NPAS2: variants seen among roughly 807,000 people sequenced by gnomAD.
NPAS2 encodes the protein neuronal PAS domain protein 2.
In NPAS2, 23 loss-of-function variants were observed where a neutral mutation model predicts 107.5. The ratio of observed to expected loss-of-function variants is 0.21; its 90% CI spans 0.15 to 0.30. The LOEUF is 0.30. Ranked by LOEUF, NPAS2 falls within the 10% of genes least tolerant of loss-of-function variation. The pLI is 1.00. For missense variants in NPAS2, 756 were observed against 1,043.3 expected (o/e 0.72, Z 3.79); for synonymous variants, 403 against 417.5 (o/e 0.97, Z 0.42).
At chr2:100,946,587 G>C (rs1251925321) in intron 5 of NPAS2, among the ~76,000 whole-genome samples, 2 of 152,212 alleles carry the variant, frequency 1.3e-5, no homozygotes, top group Non-Finnish European at 2.9e-5. Flanking sequence ...GAAGAGCTGT[G>C]AAATTGTGTT....
At chr2:100,833,315 C>CAAGATTGATACTCAGGATGAG (rs1676861313) in intron 1 of NPAS2, among the ~76,000 whole-genome samples, 1 of 152,154 alleles carries the variant, frequency 6.6e-6, no homozygotes, top group Non-Finnish European at 1.5e-5. Context: ...GGATGAGAAT[C>CAAGATTGATACTCAGGATGAG]AAGAGGAGAG....
At chr2:100,868,910 C>A (rs982009588) in intron 1 of NPAS2, among the ~76,000 whole-genome samples, 2 of 151,942 alleles carry the variant, frequency 1.3e-5, no homozygotes, top group Non-Finnish European at 2.9e-5. Context: ...ATGTTTATAT[C>A]TTTAAACATA....
chr2:100,897,112 A>T (rs1410868248), intron 1 of NPAS2, among the ~76,000 whole-genome samples: 1 of 152,162 alleles, frequency 6.6e-6, no homozygotes, highest in African/African-American at 2.4e-5. Flanking sequence ...TAAAACCATC[A>T]GATCTCATGA....
At chr2:100,954,586 G>A (rs1675439866) in intron 7 of NPAS2, among the ~76,000 whole-genome samples, 1 of 148,386 alleles carries the variant, frequency 6.7e-6, no homozygotes, top group Non-Finnish European at 1.5e-5. Flanking sequence ...AATTGCTTGA[G>A]TCTGGGAGGC....
At chr2:100,985,647 T>G (rs1409759015) in intron 16 of NPAS2, 1 of 152,244 alleles carries the variant, frequency 6.6e-6, no homozygotes, top group African/African-American at 2.4e-5. Context: ...AAAAGCTCCT[T>G]TTTTCATTTT....
chr2:100,996,569 A>T lies in NPAS2; in HGVS notation c.*987A>T, dbSNP rs565165919. 6 of 152,762 alleles carry T rather than the reference A, an allele frequency of 3.9e-5. No homozygotes were observed. The East Asian group carries it at 9.6e-4, about 25-fold the overall frequency. The allele number at this position is 152,762 out of a possible 1,614,324, so 9.5% of individuals were successfully genotyped here. A position where few individuals can be genotyped will look rare whatever the true frequency, so the allele number is the denominator to read the frequency against. On this transcript the variant is annotated 3_prime_UTR_variant, in exon 21 of 21. Coordinates refer to ENST00000335681, the MANE Select transcript of NPAS2 (RefSeq NM_002518.4). ...AATTGGATTTTCCTTTTCAAAATGCACTTTGCTTTTTTTGTATGTTTTGTT... is the reference window on the plus strand; with the variant it reads ...AATTGGATTTTCCTTTTCAAAATGCTCTTTGCTTTTTTTGTATGTTTTGTT...
intron 1 of NPAS2, among the ~76,000 whole-genome samples, chr2:100,845,434 A>G (rs1218235100): frequency 6.6e-6 from 1 of 152,182 alleles, no homozygotes; most frequent in African/African-American, 2.4e-5. Flanking sequence ...CCATTTGTAC[A>G]TTCAGTCTCT....
intron 1 of NPAS2, among the ~76,000 whole-genome samples, chr2:100,842,081 GCACACACACACA>G (rs59267718): frequency 2.0e-5 from 3 of 148,798 alleles, no homozygotes; most frequent in South Asian, 2.1e-4. Flanking sequence ...GCATGTACGC[GCACACACACACA>G]CACACACACA....
chr2:100,881,713 C>T (rs952917011), intron 1 of NPAS2, among the ~76,000 whole-genome samples: 8 of 152,072 alleles, frequency 5.3e-5, no homozygotes, highest in African/African-American at 1.9e-4. Context: ...TGCTGTCGAT[C>T]TTTATTTACA....
chr2:100,931,669 G>A (rs1208377848), intron 3 of NPAS2, among the ~76,000 whole-genome samples: 1 of 151,944 alleles, frequency 6.6e-6, no homozygotes, highest in Non-Finnish European at 1.5e-5. Context: ...TGTATTTTTA[G>A]TAGAGACGGG....
At chr2:100,950,683 G>T (rs1675168340) in intron 7 of NPAS2, among the ~76,000 whole-genome samples, 1 of 152,236 alleles carries the variant, frequency 6.6e-6, no homozygotes, top group East Asian at 1.9e-4. Context: ...GGTCCAGGGT[G>T]CAGGGCTTAT....
At chr2:100,993,554 C>CGT in intron 20 of NPAS2, 27 bp downstream of exon 20, 1 of 1,485,762 alleles carries the variant, frequency 6.7e-7, no homozygotes, top group Non-Finnish European at 9.0e-7. Flanking sequence ...AGGGGGCCCC[C>CGT]GTGCAGGCCT....
chr2:100,880,025 G>A (rs894099665), intron 1 of NPAS2, among the ~76,000 whole-genome samples: 4 of 152,042 alleles, frequency 2.6e-5, no homozygotes, highest in African/African-American at 7.2e-5. Flanking sequence ...GGGGACCTCT[G>A]GGGGGGACAA....
chr2:100,979,376 T>A (rs567825658), intron 15 of NPAS2, among the ~76,000 whole-genome samples: 3 of 151,700 alleles, frequency 2.0e-5, no homozygotes, highest in Non-Finnish European at 4.4e-5. Context: ...ATGAAGAATG[T>A]CTGTGTTTAC....
At position 100,929,125 on chromosome 2, in the gene NPAS2, G is replaced by A. The variant is rs140959371; in HGVS notation, c.182-3785G>A. The stretch of plus-strand genomic sequence containing the variant: ...TTGCCACTTTGGCTAGCCTGGTCTC[G>A]AACTCCTGGCCTCAAGTGATCTGCC... On this transcript the variant is annotated intron_variant, in intron 3 of 20. Coordinates refer to ENST00000335681, the MANE Select transcript of NPAS2 (RefSeq NM_002518.4). Among the ~76,000 whole-genome samples, 263 of 152,274 alleles carry A rather than the reference G, an allele frequency of 1.7e-3. 1 individual carries two copies. The highest frequency in any genetic ancestry group is 6.1e-3 in the African/African-American group (252 of 41,556).
intron 2 of NPAS2, among the ~76,000 whole-genome samples, chr2:100,919,375 AAAAAACAAAAAC>A (rs1262834603): frequency 2.0e-5 from 3 of 152,214 alleles, no homozygotes; most frequent in South Asian, 2.1e-4. Context: ...TTAAGGGGAA[AAAAAACAAAAAC>A]AAAAACAAAA....
chr2:100,987,811 C>G (rs995960597), intron 16 of NPAS2: 1 of 504,068 alleles, frequency 2.0e-6, no homozygotes, highest in Non-Finnish European at 3.6e-6. Flanking sequence ...TGGGTCTAAA[C>G]AGCTTTCACA....
intron 1 of NPAS2, among the ~76,000 whole-genome samples, chr2:100,860,701 G>C (rs967694967): frequency 6.6e-6 from 1 of 152,054 alleles, no homozygotes; most frequent in African/African-American, 2.4e-5. Flanking sequence ...TTATTTGGTG[G>C]ATTATAATTA....
At chr2:100,928,310 T>G (rs893583536) in intron 3 of NPAS2, among the ~76,000 whole-genome samples, 1 of 152,120 alleles carries the variant, frequency 6.6e-6, no homozygotes, top group African/African-American at 2.4e-5. Flanking sequence ...TCCTAAATAA[T>G]GATTTAGCCA....
Sources: allele counts gnomAD v4.1 joint callset (sites outside exome capture counted in the v4.1 genomes callset), GRCh38; gene constraint gnomAD v4.1.1; transcripts MANE v1.5; gene names NCBI Gene and HGNC (gene_info 2026-07-23, HGNC 2026-07-21).